The following KLRD1 variants were observed in gnomAD, a reference collection of about 807,000 sequenced individuals.
KLRD1 encodes killer cell lectin like receptor D1, also known as natural killer cells antigen CD94.
In KLRD1, 21 loss-of-function variants were observed where a neutral mutation model predicts 22.6. The observed-to-expected ratio is 0.93, with a 90% CI of 0.66 to 1.34. KLRD1 has a LOEUF of 1.34. KLRD1 is among the 40% of genes most tolerant of loss of function. The probability of loss-of-function intolerance (pLI) is 0.00; values close to 1 mark genes in which losing one functional copy is unlikely to be tolerated. For synonymous variants in KLRD1, 59 were observed against 71.1 expected, an observed-to-expected ratio of 0.83 and a Z score of 0.85; for missense variants, 183 against 208.6, an observed-to-expected ratio of 0.88 and a Z score of 0.76.
intron 1 of KLRD1, among the ~76,000 whole-genome samples, chr12:10,257,143 T>C (rs74062133): frequency 0.17 from 4,841 of 29,100 alleles, 278 homozygotes; most frequent in African/African-American, 0.23. Flanking sequence ...TCTTTTCTTT[T>C]TTTTTTTTTT....
chr12:10,245,803 T>A (rs998767213), intron 1 of KLRD1, among the ~76,000 whole-genome samples: 1 of 152,166 alleles, frequency 6.6e-6, no homozygotes, highest in Non-Finnish European at 1.5e-5. Flanking sequence ...TCATGTTTTA[T>A]TTCCCTTAAG....
Position 10,323,231 on chromosome 12 carries a change from C to G in KLRD1, c.*8438C>G, listed in dbSNP as rs984729027. ...TGTCATATATTTAGGCCCTTTAGTT[C>G]ACGCTTTAAAAACTAGTGATAATTT... On this transcript the variant is annotated 3_prime_UTR_variant, in exon 6 of 6. Transcript: ENST00000336164. 1.1e-4 allele frequency: 16 copies of G among 152,190 alleles called. No individual in the cohort carries two copies. Among genetic ancestry groups the G allele is most frequent in the African/African-American group, 2.9e-4 (12 of 41,530 alleles). 9.4% of individuals were successfully genotyped at this position (152,190 alleles called of 1,614,324 possible). A position where few individuals can be genotyped will look rare whatever the true frequency, so the allele number is the denominator to read the frequency against.
rs117865535 is a variant in KLRD1 at position 10,308,006 on chromosome 12, A to G, written c.-72A>G. 0.01 allele frequency: 14,197 copies of G among 1,389,336 alleles called. 106 individuals are homozygous for G. The highest frequency in any genetic ancestry group is 0.012 in the Non-Finnish European group (11,508 of 981,416). The allele number at this position is 1,389,336 out of a possible 1,614,324, so 86.1% of individuals were successfully genotyped here. Reference sequence around the variant, plus strand: ...CTTTAATCTCCAGCTCAGCTTCAACAATTCAACGCTGTTCTTTCTGAAAAA... The same window carrying G: ...CTTTAATCTCCAGCTCAGCTTCAACGATTCAACGCTGTTCTTTCTGAAAAA... On this transcript the variant is annotated 5_prime_UTR_variant, in exon 1 of 6. Coordinates refer to ENST00000336164, the MANE Select transcript of KLRD1 (RefSeq NM_002262.5).
rs1413721139 is a variant in KLRD1, at chr12:10,314,811, G to A, written c.*18G>A. On this transcript the variant is annotated 3_prime_UTR_variant, in exon 6 of 6. Transcript: ENST00000336164. Reference sequence around the variant, plus strand: ...TCATTTAAATGTTTCTTGGGGCAGAGAAGGTGGAGAGTAAAGACCCAACAT... The same window carrying A: ...TCATTTAAATGTTTCTTGGGGCAGAAAAGGTGGAGAGTAAAGACCCAACAT... The A allele has an allele frequency of 6.3e-7, 1 of 1,598,260 alleles. No individual in the cohort carries two copies. The highest frequency in any genetic ancestry group is 8.5e-7 in the Non-Finnish European group (1 of 1,175,040).
At chr12:10,255,296 G>C (rs1040031165) in intron 1 of KLRD1, among the ~76,000 whole-genome samples, 1 of 152,130 alleles carries the variant, frequency 6.6e-6, no homozygotes, top group Non-Finnish European at 1.5e-5. Context: ...TCTTTTCTAA[G>C]GTCCAACTTT....
Position 10,309,441 on chromosome 12 carries a change from C to G in KLRD1, c.61C>G (p.Leu21Val). The G allele has an allele frequency of 1.3e-6, 2 of 1,557,206 alleles. No individual in the cohort carries two copies. The highest frequency in any genetic ancestry group is 8.9e-7 in the Non-Finnish European group (1 of 1,127,922). The change falls in exon 2 of 6, where the codon CTT becomes GTT. Residue 21 changes from leucine to valine, a missense_variant. Leu to Val is a conservative substitution (Grantham distance 32). Coordinates refer to ENST00000336164, the MANE Select transcript of KLRD1 (RefSeq NM_002262.5). ...TTCTGGGACCTTAGGGATAATATGC[C>G]TTTCGTTGATGTCTACGTTGGGAAT... ...LISGTLGIIC[L>V]SLMSTLGILL...
chr12:10,255,113 A>AG (rs1438544187), intron 1 of KLRD1, among the ~76,000 whole-genome samples: 6 of 152,094 alleles, frequency 3.9e-5, no homozygotes, highest in East Asian at 1.9e-4. Flanking sequence ...GTGAGGATGC[A>AG]GAGAAAAGGG....
intron 3 of KLRD1, 124 bp from the exon 4 acceptor site, chr12:10,311,340 G>A: frequency 2.5e-6 from 2 of 795,944 alleles, no homozygotes; most frequent in East Asian, 5.4e-5. Flanking sequence ...CCTGAAGTGT[G>A]GTGTATACAG....
intron 4 of KLRD1, among the ~76,000 whole-genome samples, chr12:10,312,918 C>T (rs1317199271): frequency 1.3e-5 from 2 of 151,442 alleles, no homozygotes; most frequent in African/African-American, 4.8e-5. Context: ...ACCTGGGAGG[C>T]AGAGCTTGCA....
In KLRD1 at chr12:10,323,235, C is replaced by G. The variant is rs1950326785; in HGVS notation, c.*8442C>G. 6.6e-6 allele frequency: 1 copy of G among 152,104 alleles called. No individual in the cohort carries two copies. Among genetic ancestry groups the G allele is most frequent in the Non-Finnish European group, 1.5e-5 (1 of 68,010 alleles). The allele number at this position is 152,104 out of a possible 1,614,324, so 9.4% of individuals were successfully genotyped here. ...ATATATTTAGGCCCTTTAGTTCACG[C>G]TTTAAAAACTAGTGATAATTTATTC... On this transcript the variant is annotated 3_prime_UTR_variant, in exon 6 of 6. Coordinates refer to ENST00000336164, the MANE Select transcript of KLRD1 (RefSeq NM_002262.5).
intron 1 of KLRD1, among the ~76,000 whole-genome samples, chr12:10,263,726 G>A (rs1304795153): frequency 6.6e-6 from 1 of 152,066 alleles, no homozygotes; most frequent in Admixed American, 6.5e-5. Flanking sequence ...ATTCCAGCTT[G>A]AGTACCAGAT....
rs568696791 is a variant in KLRD1 at position 10,329,103 on chromosome 12, T to C, written c.*14310T>C. 4 of 152,296 alleles carry C rather than the reference T, an allele frequency of 2.6e-5. No individual in the cohort carries two copies. Among genetic ancestry groups the C allele is most frequent in the African/African-American group, 7.2e-5 (3 of 41,564 alleles). 9.4% of individuals were successfully genotyped at this position (152,296 alleles called of 1,614,324 possible). On this transcript the variant is annotated 3_prime_UTR_variant, in exon 6 of 6. Transcript: ENST00000336164. Reference sequence around the variant, plus strand: ...AGCCAAACCATATCAAGGTATAAAGTGCATTGTTTGAGACCTTTCTTTTTT... The same window carrying C: ...AGCCAAACCATATCAAGGTATAAAGCGCATTGTTTGAGACCTTTCTTTTTT...
chr12:10,240,190 C>T (rs1019684087), intron 1 of KLRD1, among the ~76,000 whole-genome samples: 3 of 151,700 alleles, frequency 2.0e-5, no homozygotes, highest in Admixed American at 6.6e-5. Context: ...CCCCCCAAGT[C>T]GCTGGGACCA....
chr12:10,313,043 C>A (rs996794600), intron 4 of KLRD1, among the ~76,000 whole-genome samples: 1 of 151,796 alleles, frequency 6.6e-6, no homozygotes, highest in African/African-American at 2.4e-5. Context: ...GGCACCTTTG[C>A]GGATTATAGG....
intron 1 of KLRD1, among the ~76,000 whole-genome samples, chr12:10,253,752 CT>C (rs1565448712): frequency 6.6e-6 from 1 of 152,120 alleles, no homozygotes; most frequent in African/African-American, 2.4e-5. Flanking sequence ...GGATTTCATT[CT>C]TTTTTCATGG....
At chr12:10,305,441 T>C (rs2137681503), upstream of KLRD1, among the ~76,000 whole-genome samples, 1 of 152,264 alleles carries the variant, frequency 6.6e-6, no homozygotes, top group East Asian at 1.9e-4. Context: ...GGAAATGTAA[T>C]AGGAAAGGGA....
At chr12:10,293,182 A>ATATATATATATATAT (rs1290502685) in intron 1 of KLRD1, among the ~76,000 whole-genome samples, 2 of 135,774 alleles carry the variant, frequency 1.5e-5, no homozygotes, top group East Asian at 2.1e-4. Context: ...ATATACACAT[A>ATATATATATATATAT]ATTCGCATGC....
intron 1 of KLRD1, among the ~76,000 whole-genome samples, chr12:10,259,997 C>A (rs914266235): frequency 2.0e-5 from 3 of 152,012 alleles, no homozygotes; most frequent in African/African-American, 7.2e-5. Flanking sequence ...AAAAGATATT[C>A]TTCTAGTGTA....
chr12:10,295,950 T>C (rs1429470005), intron 1 of KLRD1, among the ~76,000 whole-genome samples: 1 of 152,206 alleles, frequency 6.6e-6, no homozygotes, highest in Non-Finnish European at 1.5e-5. Context: ...TCAATTGTTT[T>C]AGTCAATGAC....
Sources: allele counts gnomAD v4.1 joint callset (sites outside exome capture counted in the v4.1 genomes callset), GRCh38; gene constraint gnomAD v4.1.1; transcripts MANE v1.5; gene names NCBI Gene and HGNC (gene_info 2026-07-23, HGNC 2026-07-21).